CRTC1: variants seen among roughly 807,000 people sequenced by gnomAD.
CRTC1 encodes the protein CREB-regulated transcription coactivator 1.
Under a neutral mutation model 66.1 loss-of-function variants are expected in CRTC1, and 18 were observed. That is an observed-to-expected ratio of 0.27 (90% CI 0.19 to 0.40). The LOEUF (loss-of-function observed/expected upper bound fraction) is 0.40. Among genes scored for constraint, CRTC1 ranks in the 10% least tolerant of loss-of-function variants. The pLI is 1.00. For synonymous variants in CRTC1, 416 were observed against 398.8 expected (o/e 1.04, Z -0.51); for missense variants, 669 against 887.9 (o/e 0.75, Z 3.13).
Position 18,777,089 on chromosome 19 carries a change from C to T in CRTC1, c.1694-82C>T, listed in dbSNP as rs1159707845. ...ATACCCAGGGGACAGAGTCGCCCGG[C>T]GGGCATGCCTGGTCCGACACATGGA... On this transcript the variant is annotated intron_variant, in intron 13 of 13. Coordinates refer to ENST00000321949, the MANE Select transcript of CRTC1 (RefSeq NM_015321.3). The surrounding 1 kb of genome is among the most constrained non-coding windows in gnomAD (Gnocchi z 5.5). 1.3e-5 allele frequency: 10 copies of T among 786,982 alleles called. No individual in the cohort carries two copies. The highest frequency in any genetic ancestry group is 4.6e-5 in the South Asian group (3 of 65,328). 48.7% of individuals were successfully genotyped at this position (786,982 alleles called of 1,614,324 possible).
At chr19:18,698,664 G>T (rs542513436) in intron 1 of CRTC1, among the ~76,000 whole-genome samples, 1 of 151,984 alleles carries the variant, frequency 6.6e-6, no homozygotes, top group East Asian at 1.9e-4. Flanking sequence ...TACTCATCAG[G>T]TTCTCAGCAC....
intron 1 of CRTC1, among the ~76,000 whole-genome samples, chr19:18,732,209 C>G (rs2053905247): frequency 6.6e-6 from 1 of 152,222 alleles, no homozygotes; most frequent in Admixed American, 6.5e-5. Context: ...GCCTTCACCC[C>G]CAGCGAGGCT....
chr19:18,692,870 T>C (rs1373677018), intron 1 of CRTC1, among the ~76,000 whole-genome samples: 5 of 151,568 alleles, frequency 3.3e-5, no homozygotes, highest in African/African-American at 9.7e-5. Flanking sequence ...GGTCAGGAGA[T>C]AGAGACTATC....
Position 18,774,963 on chromosome 19 carries a change from C to T in CRTC1, c.1489C>T (p.Gln497Ter). 6.2e-7 allele frequency: 1 copy of T among 1,607,436 alleles called. No individual in the cohort carries two copies. Residue 497 changes from glutamine (Q) to a stop codon, truncating the protein, a stop_gained, in exon 12 of 14, where the codon CAG (glutamine) becomes TAG (stop). Coordinates refer to ENST00000321949, the MANE Select transcript of CRTC1 (RefSeq NM_015321.3). LOFTEE classifies it high-confidence loss of function. ...CTATGAGCAGCAGATGGCGGCCAGG[C>T]AGGCCAATGCTCTGTCCCACCAGGT... ...AYYEQQMAAR[Q>*]ANALSHQLEQ... is the part of the protein sequence containing the mutation.
chr19:18,781,373 G>A lies in CRTC1; in HGVS notation c.*3991G>A, dbSNP rs1476818795. ...TGGACCAGGGGCCTCCATTTCCTGG[G>A]GGCTCTTGCGGCATGTGATTTGGGG... On this transcript the variant is annotated 3_prime_UTR_variant, in exon 14 of 14. Coordinates refer to ENST00000321949, the MANE Select transcript of CRTC1 (RefSeq NM_015321.3). 4 of 229,436 alleles carry A rather than the reference G, an allele frequency of 1.7e-5. No homozygotes were observed. Among genetic ancestry groups the A allele is most frequent in the Admixed American group, 1.7e-4 (3 of 17,652 alleles). 14.2% of individuals were successfully genotyped at this position (229,436 alleles called of 1,614,324 possible). A position where few individuals can be genotyped will look rare whatever the true frequency, so the allele number is the denominator to read the frequency against.
chr19:18,728,431 C>T (rs1344114427), intron 1 of CRTC1, among the ~76,000 whole-genome samples: 5 of 152,166 alleles, frequency 3.3e-5, no homozygotes, highest in Non-Finnish European at 7.3e-5. Context: ...TTCATTCATT[C>T]CTGACACCAA....
At chr19:18,734,856 C>T (rs1282058762) in intron 1 of CRTC1, among the ~76,000 whole-genome samples, 1 of 152,198 alleles carries the variant, frequency 6.6e-6, no homozygotes. Flanking sequence ...AGTCACTAGC[C>T]TCTCCTGTTC....
At chr19:18,775,609 G>A in intron 12 of CRTC1, 32 bp from the exon 13 acceptor site, 1 of 1,524,822 alleles carries the variant, frequency 6.6e-7, no homozygotes, top group Non-Finnish European at 8.8e-7. Flanking sequence ...GCCCGCGGTG[G>A]CCCTCACAGC....
At chr19:18,687,057 C>T (rs1180766334) in intron 1 of CRTC1, among the ~76,000 whole-genome samples, 1 of 143,628 alleles carries the variant, frequency 7.0e-6, no homozygotes, top group Non-Finnish European at 1.5e-5. Context: ...GCTCTGTTGC[C>T]CAGGCTGGAG....
chr19:18,742,473 A>C (rs771859151), intron 1 of CRTC1, among the ~76,000 whole-genome samples: 10 of 152,220 alleles, frequency 6.6e-5, no homozygotes, highest in Non-Finnish European at 1.3e-4. Context: ...CTTCTGAGAC[A>C]GCTTCCTCCG....
At chr19:18,761,862 G>A (rs528041139) in intron 8 of CRTC1, among the ~76,000 whole-genome samples, 2 of 152,142 alleles carry the variant, frequency 1.3e-5, no homozygotes, top group South Asian at 2.1e-4. Flanking sequence ...AGGGAACAGG[G>A]CCCCAGCCCG....
chr19:18,776,134 C>T (rs951620542), intron 13 of CRTC1, among the ~76,000 whole-genome samples: 9 of 152,238 alleles, frequency 5.9e-5, no homozygotes, highest in Admixed American at 2.0e-4. Flanking sequence ...GCCGGGTACA[C>T]GGTGCCCACT....
chr19:18,721,954 G>T (rs978832456), intron 1 of CRTC1, among the ~76,000 whole-genome samples: 15 of 152,208 alleles, frequency 9.9e-5, no homozygotes, highest in Non-Finnish European at 1.9e-4. Context: ...CTCTGGGTCT[G>T]CCCAGGAGGT....
chr19:18,743,695 G>C (rs1362230506), intron 2 of CRTC1, among the ~76,000 whole-genome samples: 1 of 152,206 alleles, frequency 6.6e-6, no homozygotes, highest in Non-Finnish European at 1.5e-5. Flanking sequence ...GCCACTGACA[G>C]GCCAGATGGA....
intron 6 of CRTC1, among the ~76,000 whole-genome samples, chr19:18,757,848 C>G (rs1009226942): frequency 2.6e-5 from 4 of 151,312 alleles, no homozygotes; most frequent in Non-Finnish European, 5.9e-5. Context: ...AACCCCGTCT[C>G]TACTAAAAAT....
At chr19:18,721,484 C>T (rs1747981487) in intron 1 of CRTC1, among the ~76,000 whole-genome samples, 1 of 146,680 alleles carries the variant, frequency 6.8e-6, no homozygotes, top group South Asian at 2.2e-4. Context: ...TGAGCCACCA[C>T]ACCCGGCCTT....
chr19:18,690,991 G>A (rs540160688), intron 1 of CRTC1, among the ~76,000 whole-genome samples: 6 of 147,232 alleles, frequency 4.1e-5, no homozygotes, highest in Admixed American at 1.4e-4. Flanking sequence ...ACGCCACTAC[G>A]CTCGAGCATG....
At chr19:18,708,560 G>A (rs2053316393) in intron 1 of CRTC1, among the ~76,000 whole-genome samples, 1 of 152,216 alleles carries the variant, frequency 6.6e-6, no homozygotes, top group Non-Finnish European at 1.5e-5. Context: ...TGCTGGGCTG[G>A]AGGAGTCTCC....
rs369675653 is a variant in CRTC1, at chr19:18,777,122, G to A, written c.1694-49G>A. The A allele has an allele frequency of 2.8e-5, 30 of 1,063,040 alleles. No homozygotes were observed. The highest frequency in any genetic ancestry group is 2.6e-4 in the African/African-American group (17 of 64,512). 65.9% of individuals were successfully genotyped at this position (1,063,040 alleles called of 1,614,324 possible). A position where few individuals can be genotyped will look rare whatever the true frequency, so the allele number is the denominator to read the frequency against. Reference sequence around the variant, plus strand: ...CCTGGTCCGACACATGGATGCGAGCGATGGAGCCAGGGCTAAGCAGTGCCT... The same window carrying A: ...CCTGGTCCGACACATGGATGCGAGCAATGGAGCCAGGGCTAAGCAGTGCCT... On this transcript the variant is annotated intron_variant, in intron 13 of 13. Coordinates refer to ENST00000321949, the MANE Select transcript of CRTC1 (RefSeq NM_015321.3). This position sits in a 1 kb window ranked among gnomAD's most constrained non-coding sequence, Gnocchi z 5.5.
Sources: gnomAD v4.1 joint callset for allele counts (sites outside exome capture counted in the v4.1 genomes callset) on GRCh38, gnomAD v4.1.1 for gene constraint, Gnocchi (gnomAD v3.1) non-coding constraint, MANE v1.5 for transcripts, NCBI Gene and HGNC (gene_info 2026-07-23, HGNC 2026-07-21) for gene names.